The following DGKI variants were observed in gnomAD, a reference collection of about 807,000 sequenced individuals.
The protein encoded by DGKI is DAG kinase iota.
A neutral mutation model predicts 147.5 loss-of-function variants in DGKI; 55 were observed. That is an observed-to-expected ratio of 0.37 (90% CI 0.30 to 0.47). The LOEUF (loss-of-function observed/expected upper bound fraction) is 0.47. DGKI is among the 20% of genes least tolerant of loss of function. The pLI is 1.00. For missense variants in DGKI, 1,007 were observed against 1,323.8 expected, an observed-to-expected ratio of 0.76 and a Z score of 3.71; for synonymous variants, 469 against 477.1, an observed-to-expected ratio of 0.98 and a Z score of 0.22.
intron 2 of DGKI, among the ~76,000 whole-genome samples, chr7:137,680,157 C>T (rs1823185606): frequency 6.6e-6 from 1 of 151,998 alleles, no homozygotes; most frequent in Non-Finnish European, 1.5e-5. Flanking sequence ...CTCATGCACA[C>T]ACCAAGGAAA....
At chr7:137,723,892 T>C (rs1794642444) in intron 1 of DGKI, among the ~76,000 whole-genome samples, 3 of 151,850 alleles carry the variant, frequency 2.0e-5, no homozygotes, top group Admixed American at 2.0e-4. Flanking sequence ...TGTGTTTTAG[T>C]AGAGACGGGG....
chr7:137,763,164 CTT>C (rs1795911722), intron 1 of DGKI, among the ~76,000 whole-genome samples: 1 of 152,198 alleles, frequency 6.6e-6, no homozygotes, highest in Non-Finnish European at 1.5e-5. Flanking sequence ...GGACTGGACA[CTT>C]TTATATTTTT....
chr7:137,753,867 C>A lies in DGKI; in HGVS notation c.402-63865G>T, dbSNP rs142137665. Among the ~76,000 whole-genome samples, 49 of 152,088 alleles carry A rather than the reference C, an allele frequency of 3.2e-4. No homozygotes were observed. In the East Asian group the frequency reaches 9.1e-3, roughly 28 times the overall value. ...ATGCCACCAGCTCCTACAGAGCAGCCCCAAATTAATGGCATATAAATAAAA... is the reference window on the plus strand; with the variant it reads ...ATGCCACCAGCTCCTACAGAGCAGCACCAAATTAATGGCATATAAATAAAA... On this transcript the variant is annotated intron_variant, in intron 1 of 32. Transcript: ENST00000614521.
intron 1 of DGKI, among the ~76,000 whole-genome samples, chr7:137,793,880 C>T (rs1008918110): frequency 3.3e-5 from 5 of 152,308 alleles, no homozygotes; most frequent in South Asian, 2.1e-4. Flanking sequence ...TCCATTCCCA[C>T]GTAACTTACT....
At chr7:137,515,826 C>T (rs993785208) in intron 21 of DGKI, among the ~76,000 whole-genome samples, 9 of 151,636 alleles carry the variant, frequency 5.9e-5, no homozygotes, top group Admixed American at 4.6e-4. Context: ...GTGTGTTAAC[C>T]ATTATTATTA....
chr7:137,785,725 AC>A (rs1796650392), intron 1 of DGKI, among the ~76,000 whole-genome samples: 1 of 152,146 alleles, frequency 6.6e-6, no homozygotes, highest in South Asian at 2.1e-4. Context: ...AAAATCCCCA[AC>A]AAAATACTAG....
intron 6 of DGKI, among the ~76,000 whole-genome samples, chr7:137,637,337 TATC>T (rs1238810364): frequency 1.3e-5 from 2 of 152,256 alleles, no homozygotes; most frequent in Admixed American, 1.3e-4. Context: ...ATAATATGCC[TATC>T]TTTTTATTGG....
chr7:137,456,183 T>G (rs1814198683), intron 27 of DGKI, among the ~76,000 whole-genome samples: 1 of 152,182 alleles, frequency 6.6e-6, no homozygotes, highest in Non-Finnish European at 1.5e-5. Context: ...AATACCAACA[T>G]TTCTCCAAGT....
At chr7:137,725,324 G>A (rs531181546) in intron 1 of DGKI, among the ~76,000 whole-genome samples, 5 of 152,116 alleles carry the variant, frequency 3.3e-5, no homozygotes, top group South Asian at 2.1e-4. Context: ...TATTCTTCTG[G>A]GCAGAGATAC....
chr7:137,773,530 A>G (rs969038160), intron 1 of DGKI, among the ~76,000 whole-genome samples: 1 of 152,148 alleles, frequency 6.6e-6, no homozygotes, highest in Admixed American at 6.5e-5. Context: ...ATTGAGAGAC[A>G]AGATGTTGAT....
chr7:137,828,083 T>A (rs1798111384), intron 1 of DGKI, among the ~76,000 whole-genome samples: 1 of 152,218 alleles, frequency 6.6e-6, no homozygotes, highest in South Asian at 2.1e-4. Context: ...TTTATCAGCC[T>A]GTAGACAGGT....
intron 21 of DGKI, among the ~76,000 whole-genome samples, chr7:137,489,488 C>T (rs2128937250): frequency 6.6e-6 from 1 of 152,046 alleles, no homozygotes; most frequent in East Asian, 1.9e-4. Flanking sequence ...TGCATCTTTG[C>T]AGGAAATGGA....
Position 137,609,077 on chromosome 7 carries a change from A to T in DGKI, c.1069-13T>A. On this transcript the variant is annotated splice_polypyrimidine_tract_variant and intron_variant, in intron 9 of 32. Transcript: ENST00000614521. Reference sequence around the variant, plus strand: ...CTTTGTTTTCCTGCTGAAAGAAGCAATCAGCACTGTTAGGATACACATCCA... The same window carrying T: ...CTTTGTTTTCCTGCTGAAAGAAGCATTCAGCACTGTTAGGATACACATCCA... 6.2e-7 allele frequency: 1 copy of T among 1,602,632 alleles called. No homozygotes were observed. The highest frequency in any genetic ancestry group is 1.7e-4 in the Middle Eastern group (1 of 6,046).
Position 137,618,151 on chromosome 7 carries a change from A to ATATATATT in DGKI, c.993+1672_993+1673insAATATATA. Among the ~76,000 whole-genome samples, 12 of 10,464 alleles carry ATATATATT rather than the reference A, an allele frequency of 1.1e-3. 1 individual carries two copies. Among genetic ancestry groups the ATATATATT allele is most frequent in the African/African-American group, 1.1e-3 (9 of 8,008 alleles). The allele number at this position is 10,464 out of a possible 152,430, so 6.9% of individuals were successfully genotyped here. On this transcript the variant is annotated intron_variant, in intron 8 of 32. Coordinates refer to ENST00000614521, the MANE Select transcript of DGKI (RefSeq NM_001321708.2). ...ACTATATATATATATATATATATATATTTTTTTTTTTTTACTCTATCATTC... is the reference window on the plus strand; with the variant it reads ...ACTATATATATATATATATATATATATATATATTTTTTTTTTTTTTTACTCTATCATTC...
intron 20 of DGKI, among the ~76,000 whole-genome samples, chr7:137,523,451 T>TCACA (rs1554422818): frequency 3.3e-5 from 5 of 151,086 alleles, no homozygotes; most frequent in South Asian, 2.1e-4. Context: ...TCTCTCTCTC[T>TCACA]CACACACACA....
intron 2 of DGKI, among the ~76,000 whole-genome samples, chr7:137,680,929 T>C (rs900195819): frequency 6.6e-6 from 1 of 152,158 alleles, no homozygotes; most frequent in African/African-American, 2.4e-5. Flanking sequence ...CTCAAATAAT[T>C]CTGGGGTAAG....
At chr7:137,731,542 C>A (rs1049312087) in intron 1 of DGKI, among the ~76,000 whole-genome samples, 1 of 152,056 alleles carries the variant, frequency 6.6e-6, no homozygotes, top group Non-Finnish European at 1.5e-5. Context: ...CACCACCATA[C>A]GTAGTAAACC....
chr7:137,546,291 C>G (rs1371637291), intron 20 of DGKI, among the ~76,000 whole-genome samples: 1 of 152,004 alleles, frequency 6.6e-6, no homozygotes, highest in Non-Finnish European at 1.5e-5. Flanking sequence ...CTTGCTCAGG[C>G]CCATCAGGAC....
chr7:137,524,925 T>C (rs1817089925), intron 20 of DGKI, among the ~76,000 whole-genome samples: 1 of 152,068 alleles, frequency 6.6e-6, no homozygotes, highest in Non-Finnish European at 1.5e-5. Flanking sequence ...AGCTCCCCAA[T>C]TTGGGGCTTA....
Sources: allele counts gnomAD v4.1 joint callset (sites outside exome capture counted in the v4.1 genomes callset), GRCh38; gene constraint gnomAD v4.1.1; transcripts MANE v1.5; gene names NCBI Gene and HGNC (gene_info 2026-07-23, HGNC 2026-07-21).